KLRF1: variants seen among roughly 807,000 people sequenced by gnomAD.
KLRF1 encodes killer cell lectin like receptor F1, also known as killer cell lectin-like receptor subfamily F member 1.
Under a neutral mutation model 30.7 loss-of-function variants are expected in KLRF1, and 27 were observed. That is an observed-to-expected ratio of 0.88 (90% CI 0.65 to 1.21). The LOEUF (loss-of-function observed/expected upper bound fraction) is 1.21. Ranked by LOEUF, KLRF1 falls within the 50% of genes most tolerant of loss-of-function variation. The pLI is 0.00. For synonymous variants in KLRF1, 92 were observed against 89.3 expected (o/e 1.03, Z -0.17); for missense variants, 246 against 259.3 (o/e 0.95, Z 0.35).
intron 3 of KLRF1, among the ~76,000 whole-genome samples, chr12:9,840,104 A>C (rs952247052): frequency 7.2e-5 from 11 of 152,156 alleles, no homozygotes; most frequent in African/African-American, 2.4e-4. Context: ...CAGATACAAA[A>C]GGCCACATAT....
chr12:9,804,271 A>G, the KLRF1 span, among the ~76,000 whole-genome samples: 1 of 151,798 alleles, frequency 6.6e-6, no homozygotes, highest in Non-Finnish European at 1.5e-5. Context: ...TTTTGCCCAT[A>G]TTTTAATGGG....
intron 1 of KLRF1, among the ~76,000 whole-genome samples, chr12:9,829,013 C>T (rs752712898): frequency 7.9e-5 from 12 of 152,098 alleles, no homozygotes; most frequent in African/African-American, 2.6e-4. Context: ...TGAGGTAAGA[C>T]GTATTTTATG....
chr12:9,835,789 G>C (rs1240929666), intron 3 of KLRF1, among the ~76,000 whole-genome samples: 1 of 152,076 alleles, frequency 6.6e-6, no homozygotes, highest in East Asian at 1.9e-4. Flanking sequence ...ACAGGAATAG[G>C]AATAGTAGTT....
At chr12:9,809,326 C>A in the KLRF1 span, among the ~76,000 whole-genome samples, 38 of 152,206 alleles carry the variant, frequency 2.5e-4, no homozygotes, top group Admixed American at 2.5e-3. Flanking sequence ...TTCCTCCATT[C>A]CTGGCCCAAT....
the KLRF1 span, among the ~76,000 whole-genome samples, chr12:9,812,367 GAAAAAAAAAA>G: frequency 1.1e-4 from 11 of 95,782 alleles, no homozygotes; most frequent in Non-Finnish European, 1.6e-4. Flanking sequence ...GCCGTCTCAG[GAAAAAAAAAA>G]AAAAAAAAAA....
At chr12:9,833,957 G>A (rs1867511305) in intron 3 of KLRF1, among the ~76,000 whole-genome samples, 1 of 132,166 alleles carries the variant, frequency 7.6e-6, no homozygotes, top group Non-Finnish European at 1.5e-5. Context: ...TCACCTGGGT[G>A]CAGGCGGGCT....
In KLRF1 at chr12:9,844,979, A is replaced by T. The variant is rs1185274512; in HGVS notation, c.*453A>T. 6.6e-6 allele frequency: 1 copy of T among 152,300 alleles called. No homozygotes were observed. The highest frequency in any genetic ancestry group is 1.9e-4 in the East Asian group (1 of 5,198). The allele number at this position is 152,300 out of a possible 1,614,324, so 9.4% of individuals were successfully genotyped here. A position where few individuals can be genotyped will look rare whatever the true frequency, so the allele number is the denominator to read the frequency against. On this transcript the variant is annotated 3_prime_UTR_variant, in exon 6 of 6. Transcript: ENST00000617889. The stretch of plus-strand genomic sequence containing the variant: ...CTTTTGCTACTCTTCACTCAGCTAC[A>T]ATAAACATCCTGAATGTTTTCTTAA...
At position 9,842,541 on chromosome 12, in the gene KLRF1, A is replaced by T. The variant is rs1201718974; in HGVS notation, c.587+108A>T. The T allele has an allele frequency of 9.0e-6, 8 of 893,068 alleles. No individual in the cohort carries two copies. In the Admixed American group the frequency reaches 1.2e-4, roughly 13 times the overall value. 55.3% of individuals were successfully genotyped at this position (893,068 alleles called of 1,614,324 possible). The stretch of plus-strand genomic sequence containing the variant: ...ATAGTTACTGGTACTACAGAATTCA[A>T]AAGAATGAAAATTAATTTAGTATTT... On this transcript the variant is annotated intron_variant, in intron 5 of 5. Coordinates refer to ENST00000617889, the MANE Select transcript of KLRF1 (RefSeq NM_016523.3).
the KLRF1 span, among the ~76,000 whole-genome samples, chr12:9,820,224 T>G: frequency 1.3e-5 from 2 of 152,208 alleles, no homozygotes; most frequent in Non-Finnish European, 2.9e-5. Context: ...CCATCTTTGC[T>G]GTTTCACAGC....
chr12:9,817,676 C>T, the KLRF1 span: 3 of 254,698 alleles, frequency 1.2e-5, no homozygotes, highest in Non-Finnish European at 2.5e-5. Context: ...TTGCCTTCCT[C>T]TTCCTCAGTG....
upstream of KLRF1, among the ~76,000 whole-genome samples, chr12:9,825,064 A>T (rs1867264627): frequency 6.6e-6 from 1 of 152,192 alleles, no homozygotes; most frequent in Admixed American, 6.5e-5. Context: ...TACAGATTTA[A>T]TGCTATTCCT....
intron 1 of KLRF1, 41 bp downstream of exon 1, chr12:9,827,670 A>G (rs1338708251): frequency 1.8e-5 from 21 of 1,152,980 alleles, no homozygotes; most frequent in Non-Finnish European, 2.7e-5. Context: ...GTGTGAATTA[A>G]CATGGTAGTT....
rs1439561300 is a variant in KLRF1 at position 9,844,621 on chromosome 12, A to G, written c.*95A>G. The G allele has an allele frequency of 3.1e-6, 2 of 654,686 alleles. No homozygotes were observed. The highest frequency in any genetic ancestry group is 2.8e-5 in the East Asian group (1 of 35,254). The allele number at this position is 654,686 out of a possible 1,614,324, so 40.6% of individuals were successfully genotyped here. On this transcript the variant is annotated 3_prime_UTR_variant, in exon 6 of 6. Transcript: ENST00000617889. ...CTCCAGGTGTAAGATTTTAAAGTGC[A>G]ATTAAATGCCAAAATCTCTTCTCCC...
intron 4 of KLRF1, 121 bp from the exon 5 acceptor site, chr12:9,842,200 T>A (rs1012669223): frequency 1.0e-6 from 1 of 1,003,426 alleles, no homozygotes; most frequent in Non-Finnish European, 1.5e-6. Flanking sequence ...ATAAGTAAGA[T>A]ATGAATTGAT....
the KLRF1 span, among the ~76,000 whole-genome samples, chr12:9,802,625 A>C: frequency 6.6e-6 from 1 of 151,672 alleles, no homozygotes; most frequent in Non-Finnish European, 1.5e-5. Context: ...ATGAGCCCAA[A>C]AATCAATGTG....
chr12:9,828,062 T>C (rs944771129), intron 1 of KLRF1, among the ~76,000 whole-genome samples: 11 of 152,056 alleles, frequency 7.2e-5, no homozygotes, highest in African/African-American at 2.7e-4. Context: ...TTATCATTCA[T>C]AGAATATGGT....
chr12:9,833,443 G>T lies in KLRF1; in HGVS notation c.325G>T (p.Asp109Tyr). The change falls in exon 3 of 6, where the codon GAC (aspartate) becomes TAC (tyrosine). Residue 109 changes from aspartate (D) to tyrosine (Y), a missense_variant. Coordinates refer to ENST00000617889, the MANE Select transcript of KLRF1 (RefSeq NM_016523.3). ...NKDLCASRSA[D>Y]QTVLCQSEWL... is the part of the protein sequence containing the mutation. Reference sequence around the variant, plus strand: ...GGACCTTTGTGCTTCGAGATCTGCAGACCAGACAGGTATGTCTCAAGGCTT... The same window carrying T: ...GGACCTTTGTGCTTCGAGATCTGCATACCAGACAGGTATGTCTCAAGGCTT... 1.2e-6 allele frequency: 2 copies of T among 1,605,170 alleles called. No homozygotes were observed. Among genetic ancestry groups the T allele is most frequent in the South Asian group, 2.2e-5 (2 of 89,392 alleles).
At chr12:9,808,550 T>G in the KLRF1 span, among the ~76,000 whole-genome samples, 584 of 152,240 alleles carry the variant, frequency 3.8e-3, 4 homozygotes, top group African/African-American at 0.013. Flanking sequence ...AAGAAAACAG[T>G]AGGCTCAAAA....
chr12:9,829,784 G>A (rs1867369949), intron 1 of KLRF1, among the ~76,000 whole-genome samples: 2 of 152,078 alleles, frequency 1.3e-5, no homozygotes, highest in African/African-American at 4.8e-5. Context: ...AATTTAAAAA[G>A]TTTAAAAAAT....
Sources: allele counts gnomAD v4.1 joint callset (sites outside exome capture counted in the v4.1 genomes callset), GRCh38; gene constraint gnomAD v4.1.1; transcripts MANE v1.5; gene names NCBI Gene and HGNC (gene_info 2026-07-23, HGNC 2026-07-21).